MED12L: variants seen among roughly 807,000 people sequenced by gnomAD.
The protein encoded by MED12L is mediator complex subunit 12L.
MED12L carries 60 observed loss-of-function variants against 281.3 expected under a neutral mutation model. The ratio of observed to expected loss-of-function variants is 0.21; its 90% CI spans 0.17 to 0.26. The LOEUF (loss-of-function observed/expected upper bound fraction) is 0.26, where lower values mean the gene tolerates loss of function less well. MED12L is among the 10% of genes least tolerant of loss of function. The pLI is 1.00. For synonymous variants in MED12L, 974 were observed against 987.2 expected, an observed-to-expected ratio of 0.99 and a Z score of 0.25; for missense variants, 2,146 against 2,680.9, an observed-to-expected ratio of 0.80 and a Z score of 4.41.
chr3:151,209,111 T>G (rs1340482371), intron 16 of MED12L, among the ~76,000 whole-genome samples: 1 of 152,220 alleles, frequency 6.6e-6, no homozygotes, highest in Non-Finnish European at 1.5e-5. Flanking sequence ...AGTAGTCTTA[T>G]AAGTTTTATC....
chr3:151,206,397 G>C (rs1222644870), intron 16 of MED12L, among the ~76,000 whole-genome samples: 3 of 151,738 alleles, frequency 2.0e-5, no homozygotes, highest in Non-Finnish European at 2.9e-5. Flanking sequence ...ATTTCCCCTT[G>C]ACAGTCCTTT....
At chr3:151,286,028 T>C (rs551814553) in intron 16 of MED12L, among the ~76,000 whole-genome samples, 1 of 152,308 alleles carries the variant, frequency 6.6e-6, no homozygotes, top group South Asian at 2.1e-4. Context: ...AGTTGTATGA[T>C]GGTGTGTGGT....
chr3:151,151,620 G>C (rs970065807), intron 5 of MED12L, among the ~76,000 whole-genome samples: 1 of 151,724 alleles, frequency 6.6e-6, no homozygotes, highest in East Asian at 1.9e-4. Context: ...ATGGGACAGA[G>C]ACAGGTTGAT....
In MED12L at chr3:151,413,214, A is replaced by C; in HGVS notation, c.6216A>C (p.Pro2072=). ...GIDAVLTSAH[P]NLPSVPLPQD... ...ATGCTGTGCTGACTTCTGCACATCCAAACCTTCCCTCCGTGCCCCTGCCTC... is the reference window on the plus strand; with the variant it reads ...ATGCTGTGCTGACTTCTGCACATCCCAACCTTCCCTCCGTGCCCCTGCCTC... Residue 2072 remains proline, a synonymous_variant, in exon 42 of 45, where the codon CCA becomes CCC. Transcript: ENST00000687756. The C allele has an allele frequency of 6.2e-7, 1 of 1,614,148 alleles. No homozygotes were observed. Among genetic ancestry groups the C allele is most frequent in the South Asian group, 1.1e-5 (1 of 91,086 alleles).
At chr3:151,294,885 A>G in intron 16 of MED12L, 4 of 1,614,108 alleles carry the variant, frequency 2.5e-6, no homozygotes, top group Non-Finnish European at 3.4e-6. Context: ...TTTGCATAAA[A>G]CAAAACTGAA....
Position 151,199,442 on chromosome 3 carries a change from GT to G in MED12L, c.2250+5777del, listed in dbSNP as rs1485818607. 7 of 1,466,652 alleles carry G rather than the reference GT, an allele frequency of 4.8e-6. No individual in the cohort carries two copies. The East Asian group carries it at 1.6e-4, about 33-fold the overall frequency. 90.9% of individuals were successfully genotyped at this position (1,466,652 alleles called of 1,614,324 possible). A position where few individuals can be genotyped will look rare whatever the true frequency, so the allele number is the denominator to read the frequency against. On this transcript the variant is annotated intron_variant, in intron 16 of 44. Transcript: ENST00000687756. ...GAAAAGAAAAAATTTCTAAGACTCTGTAAAAGAAACAAGGAAAGGGAGGTTA... is the reference window on the plus strand; with the variant it reads ...GAAAAGAAAAAATTTCTAAGACTCTGAAAAGAAACAAGGAAAGGGAGGTTA...
At chr3:151,380,357 G>A in intron 32 of MED12L, 133 bp downstream of exon 32, 1 of 567,470 alleles carries the variant, frequency 1.8e-6, no homozygotes, top group South Asian at 2.2e-5. Flanking sequence ...AGCACTTTGG[G>A]AGGCGGAGGC....
In MED12L at chr3:151,380,176, T is replaced by C. The variant is rs879594241; in HGVS notation, c.4542T>C (p.Asp1514=). ...SLVLTCLKGQ[D]EQREGLLTSL... is the part of the protein sequence containing the mutation. ...TACTTACCTGCCTTAAGGGACAAGA[T>C]GAACAAAGGGAAGGCCTCCTAACAT... Residue 1514 remains aspartate (D), a synonymous_variant, in exon 32 of 45, where the codon GAT becomes GAC. Coordinates refer to ENST00000687756, the MANE Select transcript of MED12L (RefSeq NM_001393769.1). 5.8e-5 allele frequency: 94 copies of C among 1,610,688 alleles called. No homozygotes were observed. The highest frequency in any genetic ancestry group is 7.7e-5 in the Non-Finnish European group (91 of 1,178,936).
At chr3:151,324,834 T>G (rs928820592) in intron 16 of MED12L, among the ~76,000 whole-genome samples, 2 of 152,200 alleles carry the variant, frequency 1.3e-5, no homozygotes, top group African/African-American at 2.4e-5. Flanking sequence ...ATTTCAAATG[T>G]TGAGATGTGT....
chr3:151,361,462 G>A (rs1355394117), intron 21 of MED12L, among the ~76,000 whole-genome samples: 2 of 152,024 alleles, frequency 1.3e-5, no homozygotes, highest in African/African-American at 4.8e-5. Flanking sequence ...TCATAAAAAG[G>A]TACTGTAAAT....
In MED12L at chr3:151,432,962, A is replaced by C; in HGVS notation, c.*158A>C. The C allele has an allele frequency of 1.7e-6, 1 of 580,928 alleles. No individual in the cohort carries two copies. Among genetic ancestry groups the C allele is most frequent in the Non-Finnish European group, 2.9e-6 (1 of 344,206 alleles). 36.0% of individuals were successfully genotyped at this position (580,928 alleles called of 1,614,324 possible). A position where few individuals can be genotyped will look rare whatever the true frequency, so the allele number is the denominator to read the frequency against. ...CTCACAAAAAAAAAAAAAGGTGTTT[A>C]AACAAAAAGCCAAGGAGAAGTTGTG... On this transcript the variant is annotated 3_prime_UTR_variant, in exon 45 of 45. Transcript: ENST00000687756.
chr3:151,127,777 G>A (rs1186313316), intron 4 of MED12L, 48 bp from the exon 5 acceptor site: 2 of 1,368,282 alleles, frequency 1.5e-6, no homozygotes, highest in South Asian at 1.3e-5. Context: ...ATCTAGTGAT[G>A]AACACAGTAC....
chr3:151,167,581 A>G (rs1720879335), intron 11 of MED12L, among the ~76,000 whole-genome samples: 1 of 152,190 alleles, frequency 6.6e-6, no homozygotes, highest in Non-Finnish European at 1.5e-5. Context: ...CTGCTTCTCA[A>G]AGATATGGTT....
intron 16 of MED12L, among the ~76,000 whole-genome samples, chr3:151,227,554 A>G (rs915087885): frequency 3.3e-5 from 5 of 152,232 alleles, no homozygotes; most frequent in African/African-American, 4.8e-5. Context: ...TGGCATGTCT[A>G]AGAACTCCAG....
intron 11 of MED12L, among the ~76,000 whole-genome samples, chr3:151,170,794 G>T (rs1721327918): frequency 6.6e-6 from 1 of 152,284 alleles, no homozygotes; most frequent in Admixed American, 6.5e-5. Flanking sequence ...CAGGGCTCAT[G>T]TCCCACAGTG....
At chr3:151,214,922 A>G (rs1727896601) in intron 16 of MED12L, among the ~76,000 whole-genome samples, 1 of 152,206 alleles carries the variant, frequency 6.6e-6, no homozygotes. Context: ...TTCCTAAAAG[A>G]GAAATTTTTA....
chr3:151,417,715 C>A (rs1297551106), intron 43 of MED12L, among the ~76,000 whole-genome samples: 1 of 152,068 alleles, frequency 6.6e-6, no homozygotes, highest in East Asian at 1.9e-4. Context: ...GGTGATCCAC[C>A]CACTTTGGCC....
chr3:151,397,551 T>C (rs1441115431), intron 39 of MED12L, among the ~76,000 whole-genome samples: 2 of 152,188 alleles, frequency 1.3e-5, no homozygotes, highest in South Asian at 4.1e-4. Context: ...AATATGGTCT[T>C]ATGGCAGAAA....
intron 11 of MED12L, among the ~76,000 whole-genome samples, chr3:151,167,776 TA>T (rs1335232192): frequency 6.6e-6 from 1 of 152,222 alleles, no homozygotes; most frequent in Non-Finnish European, 1.5e-5. Flanking sequence ...GTGGAAACCT[TA>T]AAGTGTGTTT....
Sources: allele counts gnomAD v4.1 joint callset (sites outside exome capture counted in the v4.1 genomes callset), GRCh38; gene constraint gnomAD v4.1.1; transcripts MANE v1.5; gene names NCBI Gene and HGNC (gene_info 2026-07-23, HGNC 2026-07-21).